The following NALF1 variants were observed in gnomAD, a reference collection of about 807,000 sequenced individuals.
NALF1 encodes family with sequence similarity 155 member A.
NALF1 carries 3 observed loss-of-function variants against 48.4 expected under a neutral mutation model. That is an observed-to-expected ratio of 0.06 (90% CI 0.03 to 0.16). The LOEUF (loss-of-function observed/expected upper bound fraction) is 0.16, where lower values mean the gene tolerates loss of function less well. Among genes scored for constraint, NALF1 ranks in the 10% least tolerant of loss-of-function variants. The pLI, the probability that NALF1 is intolerant of heterozygous loss-of-function variation, is 1.00. For missense variants in NALF1, 526 were observed against 571.5 expected (o/e 0.92, Z 0.81); for synonymous variants, 262 against 245.7 (o/e 1.07, Z -0.62).
At position 107,170,690 on chromosome 13, in the gene NALF1, T is replaced by C; in HGVS notation, c.1184A>G (p.Lys395Arg). The change falls in exon 3 of 3, where the codon AAA becomes AGA. Residue 395 changes from lysine to arginine, a missense_variant. This residue lies in a region of NALF1 where 153 missense variants were observed against 215.9 expected (regional missense o/e 0.71). Coordinates refer to ENST00000375915, the MANE Select transcript of NALF1 (RefSeq NM_001080396.3). ...SNNPSKGTVE[K>R]SGSCHRTSLT... Reference sequence around the variant, plus strand: ...CGATGTCCTGTGACAGGAGCCACTTTTCTCTACGGTCCCTTTGGATGGGTT... The same window carrying C: ...CGATGTCCTGTGACAGGAGCCACTTCTCTCTACGGTCCCTTTGGATGGGTT... 6.2e-7 allele frequency: 1 copy of C among 1,614,240 alleles called. No homozygotes were observed. The highest frequency in any genetic ancestry group is 1.3e-5 in the African/African-American group (1 of 75,060).
intron 1 of NALF1, among the ~76,000 whole-genome samples, chr13:107,212,492 C>G (rs914769180): frequency 6.6e-6 from 1 of 152,126 alleles, no homozygotes; most frequent in Non-Finnish European, 1.5e-5. Flanking sequence ...GGCTGTGTGC[C>G]CCAGGAGGAC....
intron 2 of NALF1, among the ~76,000 whole-genome samples, chr13:107,203,425 T>C (rs985312996): frequency 2.0e-5 from 3 of 152,220 alleles, no homozygotes; most frequent in African/African-American, 7.2e-5. Flanking sequence ...GTGCAGGCGC[T>C]GGCACTGCCT....
intron 1 of NALF1, among the ~76,000 whole-genome samples, chr13:107,806,210 G>GC (rs1878782996): frequency 6.6e-6 from 1 of 152,096 alleles, no homozygotes; most frequent in South Asian, 2.1e-4. Flanking sequence ...GGGTTCTGTT[G>GC]CCTACAGTTT....
intron 1 of NALF1, among the ~76,000 whole-genome samples, chr13:107,816,644 T>C (rs113400647): frequency 8.5e-5 from 13 of 152,198 alleles, no homozygotes; most frequent in African/African-American, 3.1e-4. Flanking sequence ...ATAGGTGAAT[T>C]ATATAACAGT....
intron 1 of NALF1, among the ~76,000 whole-genome samples, chr13:107,798,168 T>C (rs1878491428): frequency 6.6e-6 from 1 of 152,220 alleles, no homozygotes; most frequent in South Asian, 2.1e-4. Flanking sequence ...ACGGCATCTG[T>C]CCATTCAACA....
chr13:107,370,802 T>C lies in NALF1; in HGVS notation c.916-160047A>G, dbSNP rs775514295. ...TGGGGAGGCCTAAGGAAACTTATAATCATGGCGAAAGGGGATGCAAACACG... is the reference window on the plus strand; with the variant it reads ...TGGGGAGGCCTAAGGAAACTTATAACCATGGCGAAAGGGGATGCAAACACG... On this transcript the variant is annotated intron_variant, in intron 1 of 2. Coordinates refer to ENST00000375915, the MANE Select transcript of NALF1 (RefSeq NM_001080396.3). Among the ~76,000 whole-genome samples the C allele has an allele frequency of 6.4e-4, 98 of 152,132 alleles. 1 individual carries two copies. Among genetic ancestry groups the C allele is most frequent in the South Asian group, 8.3e-4 (4 of 4,830 alleles).
chr13:107,736,769 G>C (rs1876479443), intron 1 of NALF1, among the ~76,000 whole-genome samples: 3 of 152,118 alleles, frequency 2.0e-5, no homozygotes, highest in South Asian at 4.1e-4. Flanking sequence ...AGCTAATTTG[G>C]GGTGTATAGA....
intron 1 of NALF1, among the ~76,000 whole-genome samples, chr13:107,457,694 G>A (rs1273273983): frequency 6.6e-6 from 1 of 152,138 alleles, no homozygotes; most frequent in Non-Finnish European, 1.5e-5. Flanking sequence ...CAAACACATG[G>A]AAATTAAAAT....
intron 1 of NALF1, among the ~76,000 whole-genome samples, chr13:107,796,359 G>A (rs1251427095): frequency 1.3e-5 from 2 of 152,056 alleles, no homozygotes; most frequent in East Asian, 1.9e-4. Context: ...GAATTTTGGA[G>A]GCCTTGATGT....
chr13:107,669,586 AAG>A (rs1880943229), intron 1 of NALF1, among the ~76,000 whole-genome samples: 1 of 152,176 alleles, frequency 6.6e-6, no homozygotes, highest in African/African-American at 2.4e-5. Context: ...ACAGGTTCAC[AAG>A]CAGAGCTTGT....
intron 2 of NALF1, among the ~76,000 whole-genome samples, chr13:107,181,179 T>G (rs1451673623): frequency 2.0e-5 from 3 of 151,770 alleles, no homozygotes; most frequent in Admixed American, 6.6e-5. Context: ...TATCAGTACC[T>G]ATTCTGTTTG....
intron 2 of NALF1, among the ~76,000 whole-genome samples, chr13:107,194,049 TATCTATCTATATATCA>T (rs1286844779): frequency 6.4e-5 from 7 of 108,884 alleles, no homozygotes; most frequent in African/African-American, 1.3e-4. Flanking sequence ...TCTATCTATC[TATCTATCTATATATCA>T]ATCTATCGTT....
intron 1 of NALF1, among the ~76,000 whole-genome samples, chr13:107,678,160 C>T (rs1427763266): frequency 6.6e-6 from 1 of 152,132 alleles, no homozygotes; most frequent in African/African-American, 2.4e-5. Flanking sequence ...CAGTGACCTT[C>T]TTTGAAGTAT....
At chr13:107,803,767 T>C (rs1878690508) in intron 1 of NALF1, among the ~76,000 whole-genome samples, 1 of 152,158 alleles carries the variant, frequency 6.6e-6, no homozygotes, top group Non-Finnish European at 1.5e-5. Context: ...ATGAGCACCA[T>C]TATAAACCAG....
chr13:107,270,836 C>T (rs184037207), intron 1 of NALF1, among the ~76,000 whole-genome samples: 57 of 148,730 alleles, frequency 3.8e-4, no homozygotes, highest in Admixed American at 1.0e-3. Context: ...CACAACAGGC[C>T]CCGGTGTGTG....
At chr13:107,677,343 A>G (rs1402690285) in intron 1 of NALF1, among the ~76,000 whole-genome samples, 1 of 152,214 alleles carries the variant, frequency 6.6e-6, no homozygotes, top group African/African-American at 2.4e-5. Flanking sequence ...TGCCCAGCCA[A>G]TAGTACTTCT....
At chr13:107,582,870 C>T (rs951024228) in intron 1 of NALF1, among the ~76,000 whole-genome samples, 18 of 152,110 alleles carry the variant, frequency 1.2e-4, no homozygotes, top group Non-Finnish European at 2.1e-4. Flanking sequence ...TGAGTCTACG[C>T]GTGCACATCC....
intron 1 of NALF1, among the ~76,000 whole-genome samples, chr13:107,792,040 T>C (rs1322090500): frequency 6.6e-6 from 1 of 152,194 alleles, no homozygotes; most frequent in Admixed American, 6.5e-5. Flanking sequence ...AATTAATTTT[T>C]TATCAATATG....
chr13:107,236,588 T>A (rs78039279), intron 1 of NALF1, among the ~76,000 whole-genome samples: 1 of 152,150 alleles, frequency 6.6e-6, no homozygotes, highest in Non-Finnish European at 1.5e-5. Context: ...CAAATTAGTA[T>A]CAAATCCATG....
Sources: allele counts gnomAD v4.1 joint callset (sites outside exome capture counted in the v4.1 genomes callset), GRCh38; gene constraint gnomAD v4.1.1; regional missense constraint gnomAD v4.1.1; transcripts MANE v1.5; gene names NCBI Gene and HGNC (gene_info 2026-07-23, HGNC 2026-07-21).